The following MEI4 variants were observed in gnomAD, a reference collection of about 807,000 sequenced individuals.
MEI4 encodes the protein meiosis-specific protein MEI4.
MEI4 carries 27 observed loss-of-function variants against 31.4 expected under a neutral mutation model. The observed-to-expected ratio is 0.86, with a 90% confidence interval of 0.63 to 1.19. The LOEUF is 1.19. MEI4 is among the 50% of genes most tolerant of loss of function. MEI4 has a pLI of 0.00. For synonymous variants in MEI4, 122 were observed against 145.4 expected, an observed-to-expected ratio of 0.84 and a Z score of 1.16; for missense variants, 329 against 398.9, an observed-to-expected ratio of 0.82 and a Z score of 1.49.
At chr6:77,773,698 C>T (rs755824596) in intron 3 of MEI4, among the ~76,000 whole-genome samples, 1 of 151,892 alleles carries the variant, frequency 6.6e-6, no homozygotes, top group East Asian at 1.9e-4. Context: ...TTTTGCCTAT[C>T]AAAGAAAACA....
intron 2 of MEI4, among the ~76,000 whole-genome samples, chr6:77,748,045 A>G (rs1455564428): frequency 2.0e-5 from 3 of 152,210 alleles, no homozygotes; most frequent in Admixed American, 1.3e-4. Flanking sequence ...AGGGGTGCCC[A>G]TGGCCTTTGG....
chr6:77,759,984 A>G (rs1395423337), intron 2 of MEI4, among the ~76,000 whole-genome samples: 1 of 152,154 alleles, frequency 6.6e-6, no homozygotes, highest in Non-Finnish European at 1.5e-5. Flanking sequence ...ATTCAATGAG[A>G]ACTTTTCAAT....
intron 2 of MEI4, among the ~76,000 whole-genome samples, chr6:77,757,384 A>G (rs1767941873): frequency 6.6e-6 from 1 of 152,232 alleles, no homozygotes; most frequent in South Asian, 2.1e-4. Context: ...TAGCATTTCT[A>G]ACATATGCTC....
At chr6:77,733,953 A>T (rs930503086) in intron 2 of MEI4, among the ~76,000 whole-genome samples, 2 of 152,048 alleles carry the variant, frequency 1.3e-5, no homozygotes, top group Admixed American at 6.5e-5. Flanking sequence ...TGAGATTCTT[A>T]TTCCTGAGTT....
At chr6:77,872,279 T>TA (rs1771213599) in intron 4 of MEI4, among the ~76,000 whole-genome samples, 1 of 152,130 alleles carries the variant, frequency 6.6e-6, no homozygotes, top group African/African-American at 2.4e-5. Context: ...CACTCCTGAA[T>TA]CTTGGCCTTG....
In MEI4 at chr6:77,677,310, A is replaced by G. The variant is rs76643321; in HGVS notation, c.-14-13348A>G. 2.4e-4 allele frequency among the ~76,000 whole-genome samples: 37 copies of G among 152,206 alleles called. No homozygotes were observed. The East Asian group carries it at 5.6e-3, about 23-fold the overall frequency. ...TTTCTGAGCTCGTTTCATTTTCCCA[A>G]TGGCCTACCACAGCTCTACCTTGCA... On this transcript the variant is annotated intron_variant, in intron 1 of 4. Coordinates refer to ENST00000684080, the MANE Select transcript of MEI4 (RefSeq NM_001322247.2).
intron 3 of MEI4, among the ~76,000 whole-genome samples, chr6:77,825,134 G>T (rs916928104): frequency 6.6e-6 from 1 of 152,102 alleles, no homozygotes; most frequent in East Asian, 1.9e-4. Context: ...TTAAACAAAT[G>T]TCAGTGACTC....
intron 3 of MEI4, among the ~76,000 whole-genome samples, chr6:77,788,412 G>A (rs1306977878): frequency 6.6e-6 from 1 of 152,128 alleles, no homozygotes; most frequent in Admixed American, 6.5e-5. Context: ...GGACAATCAG[G>A]CAGGAGAAGG....
At chr6:77,883,657 T>C (rs1206082840) in intron 4 of MEI4, among the ~76,000 whole-genome samples, 1 of 143,812 alleles carries the variant, frequency 7.0e-6, no homozygotes, top group Admixed American at 7.2e-5. Flanking sequence ...TATGGCACAA[T>C]ACTATTGTGT....
chr6:77,758,261 A>G (rs951257708), intron 2 of MEI4, among the ~76,000 whole-genome samples: 3 of 151,880 alleles, frequency 2.0e-5, no homozygotes, highest in Non-Finnish European at 4.4e-5. Context: ...TTTCTGCATT[A>G]TCATTGTCTC....
At chr6:77,881,678 T>C (rs1253251412) in intron 4 of MEI4, among the ~76,000 whole-genome samples, 1 of 152,168 alleles carries the variant, frequency 6.6e-6, no homozygotes, top group Non-Finnish European at 1.5e-5. Flanking sequence ...TGAGCATCTA[T>C]TTTTTTGGAT....
rs139873113 is a variant in MEI4, at chr6:77,923,172, C to T, written c.984C>T (p.Thr328=). The change falls in exon 5 of 5, where the codon ACC becomes ACT. Residue 328 remains threonine (T), a synonymous_variant. Transcript: ENST00000684080. ...WVLEQLLQKE[T]EEGNTSSIGH... The stretch of plus-strand genomic sequence containing the variant: ...TGGAGCAGCTTCTTCAAAAGGAAAC[C>T]GAAGAAGGCAACACTTCAAGTATAG... 53 of 1,230,298 alleles carry T rather than the reference C, an allele frequency of 4.3e-5. No homozygotes were observed. Among genetic ancestry groups the T allele is most frequent in the African/African-American group, 7.8e-5 (5 of 64,312 alleles). 76.2% of individuals were successfully genotyped at this position (1,230,298 alleles called of 1,614,324 possible).
chr6:77,852,291 T>C (rs1770644603), intron 4 of MEI4, among the ~76,000 whole-genome samples: 1 of 152,170 alleles, frequency 6.6e-6, no homozygotes, highest in South Asian at 2.1e-4. Flanking sequence ...TTTCTTCAAG[T>C]GATGCTGCAG....
Position 77,819,271 on chromosome 6 carries a change from A to G in MEI4, c.769-9660A>G, listed in dbSNP as rs184637526. Among the ~76,000 whole-genome samples, 439 of 152,198 alleles carry G rather than the reference A, an allele frequency of 2.9e-3. 1 individual carries two copies. Among genetic ancestry groups the G allele is most frequent in the African/African-American group, 9.6e-3 (399 of 41,552 alleles). On this transcript the variant is annotated intron_variant, in intron 3 of 4. Transcript: ENST00000684080. ...CTCAATATTGTTTTAACTGATTTAA[A>G]TATTTTCTGACTAGCACCATTAACT...
chr6:77,889,764 C>T (rs1771712905), intron 4 of MEI4, among the ~76,000 whole-genome samples: 1 of 152,178 alleles, frequency 6.6e-6, no homozygotes, highest in African/African-American at 2.4e-5. Flanking sequence ...TGGGCCAGGG[C>T]CAGGGCCCTC....
At chr6:77,807,186 A>G (rs575165840) in intron 3 of MEI4, among the ~76,000 whole-genome samples, 2 of 151,550 alleles carry the variant, frequency 1.3e-5, no homozygotes, top group East Asian at 1.9e-4. Flanking sequence ...GTGTGAATCA[A>G]TGAATTACAA....
chr6:77,663,406 G>T (rs992362410), intron 1 of MEI4, among the ~76,000 whole-genome samples: 52 of 151,900 alleles, frequency 3.4e-4, no homozygotes, highest in Non-Finnish European at 6.6e-4. Flanking sequence ...GGGTTAAGGT[G>T]GGGGGATACA....
intron 2 of MEI4, among the ~76,000 whole-genome samples, chr6:77,736,862 T>C (rs113226722): frequency 2.2e-5 from 1 of 45,902 alleles, no homozygotes; most frequent in African/African-American, 2.5e-4. Flanking sequence ...ACAGGACTTT[T>C]AAAAGTATTT....
At chr6:77,799,713 G>T (rs1247852240) in intron 3 of MEI4, among the ~76,000 whole-genome samples, 1 of 152,060 alleles carries the variant, frequency 6.6e-6, no homozygotes, top group Non-Finnish European at 1.5e-5. Context: ...TCTACATATG[G>T]CTAGCCAGTT....
Sources: gnomAD v4.1 joint callset for allele counts (sites outside exome capture counted in the v4.1 genomes callset) on GRCh38, gnomAD v4.1.1 for gene constraint, MANE v1.5 for transcripts, NCBI Gene and HGNC (gene_info 2026-07-23, HGNC 2026-07-21) for gene names.